Variants in ANKRD45 observed in about 807,000 individuals in gnomAD.
The protein encoded by ANKRD45 is ankyrin repeat domain-containing protein 45.
In ANKRD45, 21 loss-of-function variants were observed where a neutral mutation model predicts 28.1. That is an observed-to-expected ratio of 0.75 (90% CI 0.53 to 1.08). ANKRD45 has a LOEUF of 1.08. Among genes scored for constraint, ANKRD45 ranks in the 50% least tolerant of loss-of-function variants. ANKRD45 has a pLI of 0.00. For synonymous variants in ANKRD45, 86 were observed against 103.9 expected (o/e 0.83, Z 1.05); for missense variants, 261 against 308.7 (o/e 0.85, Z 1.16).
At chr1:173,705,906 C>T in the ANKRD45 span, among the ~76,000 whole-genome samples, 1 of 151,946 alleles carries the variant, frequency 6.6e-6, no homozygotes, top group East Asian at 1.9e-4. Context: ...CACTTATATA[C>T]ACTCACACTA....
chr1:173,642,103 G>A (rs1571738216), intron 3 of ANKRD45, among the ~76,000 whole-genome samples: 2 of 152,138 alleles, frequency 1.3e-5, no homozygotes, highest in African/African-American at 2.4e-5. Context: ...TAACAAGAGT[G>A]CTACAAGGAT....
chr1:173,640,929 T>C (rs916083668), intron 3 of ANKRD45, among the ~76,000 whole-genome samples: 2 of 152,122 alleles, frequency 1.3e-5, no homozygotes, highest in Non-Finnish European at 2.9e-5. Context: ...ACCCTGTCCT[T>C]CTCTCTCTCA....
rs1667073377 is a variant in ANKRD45 at position 173,610,036 on chromosome 1, T to C, written c.*109A>G. 3 of 1,106,508 alleles carry C rather than the reference T, an allele frequency of 2.7e-6. No homozygotes were observed. Among genetic ancestry groups the C allele is most frequent in the Non-Finnish European group, 4.1e-6 (3 of 738,764 alleles). 68.5% of individuals were successfully genotyped at this position (1,106,508 alleles called of 1,614,324 possible). A position where few individuals can be genotyped will look rare whatever the true frequency, so the allele number is the denominator to read the frequency against. On this transcript the variant is annotated 3_prime_UTR_variant, in exon 6 of 6. Transcript: ENST00000333279. Reference sequence around the variant, plus strand: ...ACAAAACAAGGGCGATGTAATGTTGTACTTAAATACTTAAAGAAACCCACA... The same window carrying C: ...ACAAAACAAGGGCGATGTAATGTTGCACTTAAATACTTAAAGAAACCCACA...
chr1:173,709,437 T>G, the ANKRD45 span, among the ~76,000 whole-genome samples: 1 of 152,158 alleles, frequency 6.6e-6, no homozygotes, highest in Admixed American at 6.6e-5. Context: ...TTTAATAACC[T>G]AATATTAGAA....
the ANKRD45 span, among the ~76,000 whole-genome samples, chr1:173,700,384 A>C: frequency 6.6e-6 from 1 of 152,226 alleles, no homozygotes; most frequent in Non-Finnish European, 1.5e-5. Flanking sequence ...AGCCAAAAGA[A>C]CAAAGCTGGA....
the ANKRD45 span, among the ~76,000 whole-genome samples, chr1:173,702,892 A>AT: frequency 6.6e-6 from 1 of 151,586 alleles, no homozygotes; most frequent in African/African-American, 2.4e-5. Flanking sequence ...TGCCTGGCTA[A>AT]TTTTTTTATT....
At chr1:173,666,577 G>A (rs1670027846) in intron 1 of ANKRD45, among the ~76,000 whole-genome samples, 1 of 152,048 alleles carries the variant, frequency 6.6e-6, no homozygotes, top group African/African-American at 2.4e-5. Flanking sequence ...TTGTTATACT[G>A]TATTGCTTAG....
intron 3 of ANKRD45, among the ~76,000 whole-genome samples, chr1:173,636,265 T>C (rs1304194669): frequency 1.3e-5 from 2 of 152,172 alleles, no homozygotes; most frequent in African/African-American, 4.8e-5. Flanking sequence ...AAAGGTGTCA[T>C]GTAATTTTTA....
chr1:173,697,165 G>C, the ANKRD45 span, among the ~76,000 whole-genome samples: 1 of 152,236 alleles, frequency 6.6e-6, no homozygotes, highest in Non-Finnish European at 1.5e-5. Flanking sequence ...ATGGGACTAT[G>C]TGAAAAGACC....
At chr1:173,687,986 C>CT in the ANKRD45 span, among the ~76,000 whole-genome samples, 9,367 of 128,584 alleles carry the variant, frequency 0.073, 425 homozygotes, top group African/African-American at 0.12. Context: ...AATGTTGAAT[C>CT]TTTTTTTTTT....
the ANKRD45 span, among the ~76,000 whole-genome samples, chr1:173,699,487 C>T: frequency 2.0e-5 from 3 of 152,178 alleles, no homozygotes; most frequent in South Asian, 6.2e-4. Context: ...ATCAAGTTGG[C>T]TTCAACCCTG....
chr1:173,651,626 G>A (rs1669226814), intron 2 of ANKRD45, among the ~76,000 whole-genome samples: 1 of 152,136 alleles, frequency 6.6e-6, no homozygotes, highest in South Asian at 2.1e-4. Flanking sequence ...TTCCAATTGT[G>A]TGAAGAAAGT....
At chr1:173,627,903 T>C (rs1668009591) in intron 3 of ANKRD45, among the ~76,000 whole-genome samples, 2 of 151,592 alleles carry the variant, frequency 1.3e-5, no homozygotes, top group Admixed American at 1.3e-4. Flanking sequence ...CAAAAGTGAA[T>C]AAGACTTTGT....
chr1:173,690,055 G>GCCC, the ANKRD45 span, among the ~76,000 whole-genome samples: 34 of 46,102 alleles, frequency 7.4e-4, no homozygotes, highest in Middle Eastern at 0.028. Flanking sequence ...GCCAATGCCT[G>GCCC]CCCCCCGCCC....
the ANKRD45 span, among the ~76,000 whole-genome samples, chr1:173,691,620 C>A: frequency 1.3e-5 from 2 of 152,056 alleles, no homozygotes; most frequent in Non-Finnish European, 2.9e-5. Flanking sequence ...CCCGTCTCTA[C>A]TAAAAATACA....
At chr1:173,636,075 T>C (rs1226027810) in intron 3 of ANKRD45, among the ~76,000 whole-genome samples, 1 of 152,080 alleles carries the variant, frequency 6.6e-6, no homozygotes, top group African/African-American at 2.4e-5. Context: ...CTACTTCAAG[T>C]TACAAAACAC....
At chr1:173,676,130 A>C in the ANKRD45 span, among the ~76,000 whole-genome samples, 2 of 152,232 alleles carry the variant, frequency 1.3e-5, no homozygotes, top group Non-Finnish European at 2.9e-5. Context: ...TCCATAAGTC[A>C]AGTTTGATTC....
At position 173,655,542 on chromosome 1, in the gene ANKRD45, G is replaced by A. The variant is rs576243388; in HGVS notation, c.328+3549C>T. On this transcript the variant is annotated intron_variant, in intron 2 of 5. Coordinates refer to ENST00000333279, the MANE Select transcript of ANKRD45 (RefSeq NM_198493.3). Reference sequence around the variant, plus strand: ...AGGTGTCAGTCGGCCCCTACTGGGAGGTGTCTCCCAGTTAGGCTACATGGG... The same window carrying A: ...AGGTGTCAGTCGGCCCCTACTGGGAAGTGTCTCCCAGTTAGGCTACATGGG... 2.6e-5 allele frequency among the ~76,000 whole-genome samples: 4 copies of A among 152,332 alleles called. No homozygotes were observed. In the South Asian group the frequency reaches 8.3e-4, roughly 32 times the overall value.
intron 3 of ANKRD45, among the ~76,000 whole-genome samples, chr1:173,643,795 GA>G (rs1333084546): frequency 2.0e-5 from 3 of 151,840 alleles, no homozygotes; most frequent in Admixed American, 6.6e-5. Flanking sequence ...TTATAAGGAG[GA>G]AAAAAACTTT....
Sources: allele counts gnomAD v4.1 joint callset (sites outside exome capture counted in the v4.1 genomes callset), GRCh38; gene constraint gnomAD v4.1.1; transcripts MANE v1.5; gene names NCBI Gene and HGNC (gene_info 2026-07-23, HGNC 2026-07-21).